Variants in ULK4 observed in about 807,000 individuals in gnomAD.
ULK4 encodes the protein unc-51 like kinase 4, also known as inactive serine/threonine-protein kinase ULK4.
ULK4 carries 133 observed loss-of-function variants against 160.6 expected under a neutral mutation model. The observed-to-expected ratio is 0.83, with a 90% CI of 0.72 to 0.96. The LOEUF is 0.96. ULK4 is among the 40% of genes least tolerant of loss of function. The pLI is 0.00. For synonymous variants in ULK4, 534 were observed against 539.8 expected (o/e 0.99, Z 0.15); for missense variants, 1,580 against 1,499.5 (o/e 1.05, Z -0.89).
intron 22 of ULK4, among the ~76,000 whole-genome samples, chr3:41,730,618 C>A (rs550451074): frequency 1.3e-5 from 2 of 152,040 alleles, no homozygotes; most frequent in African/African-American, 2.4e-5. Flanking sequence ...AAGACTGAAT[C>A]GATAATAAAG....
At position 41,871,123 on chromosome 3, in the gene ULK4, T is replaced by C. The variant is rs550961082; in HGVS notation, c.1656+12751A>G. 2.0e-5 allele frequency among the ~76,000 whole-genome samples: 3 copies of C among 152,326 alleles called. No individual in the cohort carries two copies. In the South Asian group the frequency reaches 6.2e-4, roughly 32 times the overall value. On this transcript the variant is annotated intron_variant, in intron 17 of 36. Coordinates refer to ENST00000301831, the MANE Select transcript of ULK4 (RefSeq NM_017886.4). The stretch of plus-strand genomic sequence containing the variant: ...GCAAGTCAATTAAATCTCTTTTCCC[T>C]ATAAATTACCAAGTCTTGGGTATTT...
intron 21 of ULK4, among the ~76,000 whole-genome samples, chr3:41,778,150 T>C (rs2125579352): frequency 8.3e-6 from 1 of 121,134 alleles, no homozygotes; most frequent in Non-Finnish European, 1.6e-5. Flanking sequence ...GGATACAAAA[T>C]CAATGTACAA....
At chr3:41,791,513 GA>G (rs2040150124) in intron 20 of ULK4, among the ~76,000 whole-genome samples, 1 of 152,164 alleles carries the variant, frequency 6.6e-6, no homozygotes, top group Non-Finnish European at 1.5e-5. Context: ...GAAAATCTAG[GA>G]CTTTTTCCAG....
At chr3:41,799,199 G>A (rs1343161268) in intron 20 of ULK4, among the ~76,000 whole-genome samples, 4 of 152,216 alleles carry the variant, frequency 2.6e-5, no homozygotes, top group South Asian at 2.1e-4. Context: ...GCCACATAGC[G>A]TTTGAGAGCC....
chr3:41,633,782 G>C (rs1362100871), intron 30 of ULK4, among the ~76,000 whole-genome samples: 1 of 152,096 alleles, frequency 6.6e-6, no homozygotes, highest in Non-Finnish European at 1.5e-5. Flanking sequence ...TGCATGAGGG[G>C]AGAGAAGAGA....
intron 31 of ULK4, among the ~76,000 whole-genome samples, chr3:41,590,654 A>AC (rs2031229454): frequency 6.6e-6 from 1 of 151,746 alleles, no homozygotes; most frequent in East Asian, 2.0e-4. Context: ...AAACAAACAA[A>AC]AAAACAAATA....
At chr3:41,341,609 TA>T (rs2080686665) in intron 35 of ULK4, among the ~76,000 whole-genome samples, 1 of 151,218 alleles carries the variant, frequency 6.6e-6, no homozygotes, top group South Asian at 2.1e-4. Context: ...CCTGTAAAGG[TA>T]AAGACCAAGG....
chr3:41,946,031 AC>A (rs10716860), intron 2 of ULK4, among the ~76,000 whole-genome samples: 103,612 of 151,972 alleles, frequency 0.68, 38,987 homozygotes, highest in East Asian at 0.83. Flanking sequence ...GAAGAAAGAG[AC>A]GGGCAGGGGG....
In ULK4 at chr3:41,361,715, G is replaced by C. The variant is rs535031964; in HGVS notation, c.3678+36364C>G. Among the ~76,000 whole-genome samples, 16 of 152,064 alleles carry C rather than the reference G, an allele frequency of 1.1e-4. No individual in the cohort carries two copies. In the South Asian group the frequency reaches 3.3e-3, roughly 32 times the overall value. ...ATTATTTTGTTTTCTGCACATTTTT[G>C]CATGAGTATGAAATATTCATAATAA... On this transcript the variant is annotated intron_variant, in intron 35 of 36. Transcript: ENST00000301831.
chr3:41,838,879 T>G (rs2041832980), intron 17 of ULK4, among the ~76,000 whole-genome samples: 1 of 152,114 alleles, frequency 6.6e-6, no homozygotes, highest in South Asian at 2.1e-4. Context: ...AAGTGAAATT[T>G]ATAGACATGG....
chr3:41,610,320 T>C (rs1183306200), intron 31 of ULK4, among the ~76,000 whole-genome samples: 2 of 152,154 alleles, frequency 1.3e-5, no homozygotes, highest in Non-Finnish European at 2.9e-5. Context: ...TATACATTTT[T>C]TAAATCTTAT....
At chr3:41,860,472 G>A (rs1164942904) in intron 17 of ULK4, among the ~76,000 whole-genome samples, 1 of 152,092 alleles carries the variant, frequency 6.6e-6, no homozygotes, top group African/African-American at 2.4e-5. Flanking sequence ...TCATTATGTA[G>A]TGACCTTCTT....
intron 30 of ULK4, among the ~76,000 whole-genome samples, chr3:41,620,202 C>T (rs976656834): frequency 2.0e-5 from 3 of 152,180 alleles, no homozygotes; most frequent in African/African-American, 7.2e-5. Flanking sequence ...GAGCTGGTAC[C>T]ATTCCTTCTG....
In ULK4 at chr3:41,300,837, TTATATATATATATATATATATATATATA is replaced by T. The variant is rs66602936; in HGVS notation, c.3679-51291_3679-51264del. The stretch of plus-strand genomic sequence containing the variant: ...GATTAAATTTTGATCATTTTACAGA[TTATATATATATATATATATATATATATA>T]TATATATATATATATATATATTTGG... On this transcript the variant is annotated intron_variant, in intron 35 of 36. Transcript: ENST00000301831. Among the ~76,000 whole-genome samples the T allele has an allele frequency of 4.6e-3, 268 of 57,878 alleles. 8 individuals are homozygous for T. Among genetic ancestry groups the T allele is most frequent in the East Asian group, 0.014 (21 of 1,482 alleles). The allele number at this position is 57,878 out of a possible 152,430, so 38.0% of individuals were successfully genotyped here. A position where few individuals can be genotyped will look rare whatever the true frequency, so the allele number is the denominator to read the frequency against.
At chr3:41,629,478 T>C (rs531048476) in intron 30 of ULK4, among the ~76,000 whole-genome samples, 5 of 152,268 alleles carry the variant, frequency 3.3e-5, no homozygotes, top group South Asian at 2.1e-4. Flanking sequence ...AACCTAGCTT[T>C]GGAGGTCATA....
At chr3:41,641,859 G>A (rs1271128394) in intron 30 of ULK4, among the ~76,000 whole-genome samples, 8 of 148,740 alleles carry the variant, frequency 5.4e-5, no homozygotes, top group Non-Finnish European at 1.0e-4. Flanking sequence ...TCATAAAAAT[G>A]ACAATTAATA....
intron 34 of ULK4, among the ~76,000 whole-genome samples, chr3:41,447,633 G>A (rs142563278): frequency 4.6e-5 from 7 of 152,250 alleles, no homozygotes; most frequent in African/African-American, 1.7e-4. Flanking sequence ...TGATGCTGTG[G>A]CATCTATTTT....
chr3:41,910,359 G>GA (rs1698736734), intron 11 of ULK4, among the ~76,000 whole-genome samples: 1 of 152,122 alleles, frequency 6.6e-6, no homozygotes, highest in Non-Finnish European at 1.5e-5. Context: ...AGCACTCTGG[G>GA]AGGCCTGGTG....
chr3:41,761,216 C>A (rs2038971598), intron 21 of ULK4, among the ~76,000 whole-genome samples: 1 of 150,934 alleles, frequency 6.6e-6, no homozygotes, highest in African/African-American at 2.4e-5. Context: ...GAACTGAGTC[C>A]CCATGGAAGT....
Sources: gnomAD v4.1 joint callset for allele counts (sites outside exome capture counted in the v4.1 genomes callset) on GRCh38, gnomAD v4.1.1 for gene constraint, MANE v1.5 for transcripts, NCBI Gene and HGNC (gene_info 2026-07-23, HGNC 2026-07-21) for gene names.